The following EVC variants were observed in gnomAD, a reference collection of about 807,000 sequenced individuals.
The protein encoded by EVC is evC complex member EVC.
A neutral mutation model predicts 118.9 loss-of-function variants in EVC; 116 were observed. That is an observed-to-expected ratio of 0.98 (90% CI 0.84 to 1.14). EVC has a LOEUF of 1.14. EVC is among the 50% of genes most tolerant of loss of function. EVC has a pLI of 0.00. For synonymous variants in EVC, 619 were observed against 534.7 expected, an observed-to-expected ratio of 1.16 and a Z score of -2.18; for missense variants, 1,401 against 1,246.4, an observed-to-expected ratio of 1.12 and a Z score of -1.87.
At chr4:5,741,883 CA>C in intron 6 of EVC, 69 bp downstream of exon 6, 5 of 815,168 alleles carry the variant, frequency 6.1e-6, no homozygotes, top group African/African-American at 1.7e-5. Flanking sequence ...ACTTATGATG[CA>C]AAAATTTTTT....
intron 11 of EVC, among the ~76,000 whole-genome samples, chr4:5,774,483 G>T (rs1477187787): frequency 6.6e-6 from 1 of 151,864 alleles, no homozygotes; most frequent in Non-Finnish European, 1.5e-5. Flanking sequence ...CTCAAAGCAG[G>T]TATTATCAGC....
chr4:5,801,715 C>T (rs773020967), intron 15 of EVC: 9 of 516,164 alleles, frequency 1.7e-5, no homozygotes, highest in African/African-American at 9.6e-5. Flanking sequence ...GCCTCTTAGC[C>T]GACTTTCCCT....
rs778287269 is a variant in EVC at position 5,798,640 on chromosome 4, C to T, written c.2152C>T (p.Arg718Trp). The T allele has an allele frequency of 2.6e-5, 42 of 1,591,896 alleles. No homozygotes were observed. The highest frequency in any genetic ancestry group is 4.6e-5 in the South Asian group (4 of 87,670). The change falls in exon 15 of 21, where the codon CGG becomes TGG. Residue 718 changes from arginine to tryptophan, a missense_variant. Physicochemically the swap from Arg to Trp is moderately radical, Grantham distance 101. Transcript: ENST00000264956. This position sits in a 1 kb window ranked among gnomAD's most constrained non-coding sequence, Gnocchi z 4.1. ...SRLEEEAQQT[R>W]LQLQQRLLAE... ...GCTAGAGGAGGAAGCACAGCAGACA[C>T]GGCTGCAGCTCCAGCAGCGGCTCCT...
chr4:5,783,318 A>C (rs1362255315), intron 11 of EVC, among the ~76,000 whole-genome samples: 1 of 148,172 alleles, frequency 6.7e-6, no homozygotes, highest in East Asian at 1.9e-4. Context: ...CTGTGTGTAC[A>C]AGTGTGTGTG....
chr4:5,824,563 C>T, the EVC span: 1 of 978,534 alleles, frequency 1.0e-6, no homozygotes, highest in Non-Finnish European at 1.2e-6. Context: ...AATTAGCAAA[C>T]GGGTCCATTG....
intron 2 of EVC, 41 bp from the exon 3 acceptor site, chr4:5,729,266 T>C: frequency 6.3e-7 from 1 of 1,596,260 alleles, no homozygotes; most frequent in Middle Eastern, 1.7e-4. Flanking sequence ...TCCTTCATTT[T>C]ACAGAAAGTT....
intron 9 of EVC, 128 bp from the exon 10 acceptor site, chr4:5,753,657 A>C (rs944608762): frequency 1.6e-6 from 2 of 1,215,016 alleles, no homozygotes; most frequent in Non-Finnish European, 2.4e-6. Context: ...TGTCACCAGC[A>C]GGGCGGGCAC....
chr4:5,751,520 GC>G (rs1358434287), intron 8 of EVC, among the ~76,000 whole-genome samples: 13 of 152,314 alleles, frequency 8.5e-5, no homozygotes, highest in Admixed American at 8.5e-4. Flanking sequence ...AATGAGCCTC[GC>G]CGTCCTTGTC....
rs775840415 is a variant in EVC at position 5,719,295 on chromosome 4, G to A, written c.222G>A (p.Gln74=). 1.2e-6 allele frequency: 2 copies of A among 1,614,196 alleles called. No individual in the cohort carries two copies. The highest frequency in any genetic ancestry group is 1.7e-6 in the Non-Finnish European group (2 of 1,180,036). ...NLLKNLESNA[Q]TPSETGSPSR... is the part of the protein sequence containing the mutation. ...TCAAGAATTTGGAGTCTAATGCGCA[G>A]ACCCCCTCGGAAACTGGCTCCCCAT... The change falls in exon 2 of 21, where the codon CAG becomes CAA. Residue 74 remains glutamine, a synonymous_variant. Transcript: ENST00000264956. This position sits in a 1 kb window ranked among gnomAD's most constrained non-coding sequence, Gnocchi z 4.7.
chr4:5,731,139 C>T lies in EVC; in HGVS notation c.385-286C>T, dbSNP rs1726742823. Among the ~76,000 whole-genome samples the T allele has an allele frequency of 6.6e-6, 1 of 151,752 alleles. No homozygotes were observed. The highest frequency in any genetic ancestry group is 1.5e-5 in the Non-Finnish European group (1 of 67,968). On this transcript the variant is annotated intron_variant, in intron 3 of 20. Transcript: ENST00000264956. The surrounding 1 kb of genome is among the most constrained non-coding windows in gnomAD (Gnocchi z 5.6). ...AGAGTTGGCAGCTGGGAGGAGGGTG[C>T]GCTGGGTGTCCGGGGCACAGATCCA...
chr4:5,815,435 A>T (rs545509102), downstream of EVC, among the ~76,000 whole-genome samples: 104 of 152,342 alleles, frequency 6.8e-4, no homozygotes, highest in African/African-American at 2.5e-3. Context: ...AGTGAGGTCC[A>T]GGTGCTTCCA....
chr4:5,737,269 A>G lies in EVC; in HGVS notation c.702+3834A>G, dbSNP rs943028458. Among the ~76,000 whole-genome samples, 2 of 152,232 alleles carry G rather than the reference A, an allele frequency of 1.3e-5. No individual in the cohort carries two copies. The highest frequency in any genetic ancestry group is 2.9e-5 in the Non-Finnish European group (2 of 68,048). On this transcript the variant is annotated intron_variant, in intron 5 of 20. Coordinates refer to ENST00000264956, the MANE Select transcript of EVC (RefSeq NM_153717.3). The surrounding 1 kb of genome is among the most constrained non-coding windows in gnomAD (Gnocchi z 5.0). ...AAGAAAAATTTGAAGCTAGCAGAGCATGAGGTTTAAAGAAAGAAGCTGTCT... is the reference window on the plus strand; with the variant it reads ...AAGAAAAATTTGAAGCTAGCAGAGCGTGAGGTTTAAAGAAAGAAGCTGTCT...
At chr4:5,825,620 C>T in the EVC span, 7 of 1,607,476 alleles carry the variant, frequency 4.4e-6, no homozygotes, top group Non-Finnish European at 5.9e-6. This position sits in a 1 kb window ranked among gnomAD's most constrained non-coding sequence, Gnocchi z 4.4. Flanking sequence ...TACACAGGAC[C>T]GTCATACATG....
Position 5,737,098 on chromosome 4 carries a change from C to A in EVC, c.702+3663C>A, listed in dbSNP as rs1727812375. Reference sequence around the variant, plus strand: ...CACGAATGATCAGAAAGCAAAACAACCTTATTGCTGATATGGAGAAAGTCT... The same window carrying A: ...CACGAATGATCAGAAAGCAAAACAAACTTATTGCTGATATGGAGAAAGTCT... On this transcript the variant is annotated intron_variant, in intron 5 of 20. Coordinates refer to ENST00000264956, the MANE Select transcript of EVC (RefSeq NM_153717.3). The surrounding 1 kb of genome is among the most constrained non-coding windows in gnomAD (Gnocchi z 5.0). 6.6e-6 allele frequency among the ~76,000 whole-genome samples: 1 copy of A among 152,164 alleles called. No homozygotes were observed. Among genetic ancestry groups the A allele is most frequent in the African/African-American group, 2.4e-5 (1 of 41,454 alleles).
chr4:5,731,711 G>C lies in EVC; in HGVS notation c.617+54G>C. 1 of 1,502,716 alleles carries C rather than the reference G, an allele frequency of 6.7e-7. No individual in the cohort carries two copies. Among genetic ancestry groups the C allele is most frequent in the Non-Finnish European group, 9.1e-7 (1 of 1,093,412 alleles). The allele number at this position is 1,502,716 out of a possible 1,614,324, so 93.1% of individuals were successfully genotyped here. The stretch of plus-strand genomic sequence containing the variant: ...GCTTCCAGTCCTCTTGGAGTGGGCC[G>C]GGAGTCACATCATTGTCAGAGGAGG... On this transcript the variant is annotated intron_variant, in intron 4 of 20. Transcript: ENST00000264956. This position sits in a 1 kb window ranked among gnomAD's most constrained non-coding sequence, Gnocchi z 5.6.
chr4:5,809,911 G>A (rs1010984634), intron 19 of EVC, among the ~76,000 whole-genome samples: 10 of 152,118 alleles, frequency 6.6e-5, no homozygotes, highest in Middle Eastern at 3.2e-3. Context: ...CCTTGCCAGC[G>A]ACAACTTCAG....
At chr4:5,795,463 G>A (rs1385877851) in intron 13 of EVC, among the ~76,000 whole-genome samples, 2 of 152,152 alleles carry the variant, frequency 1.3e-5, no homozygotes, top group South Asian at 2.1e-4. Context: ...ACCACCCTAG[G>A]CAGCATGGTG....
At chr4:5,717,220 A>G (rs6823754) in intron 1 of EVC, among the ~76,000 whole-genome samples, 126,425 of 152,194 alleles carry the variant, frequency 0.83, 52,834 homozygotes, top group African/African-American at 0.92. Flanking sequence ...TGAGTTTTTC[A>G]TATTTTCAAT....
chr4:5,818,608 A>G (rs1239907206), downstream of EVC, among the ~76,000 whole-genome samples: 1 of 152,132 alleles, frequency 6.6e-6, no homozygotes, highest in African/African-American at 2.4e-5. Context: ...ATGGGTTATC[A>G]TGGGAGCGGG....
Sources: gnomAD v4.1 joint callset for allele counts (sites outside exome capture counted in the v4.1 genomes callset) on GRCh38, gnomAD v4.1.1 for gene constraint, Gnocchi (gnomAD v3.1) non-coding constraint, MANE v1.5 for transcripts, NCBI Gene and HGNC (gene_info 2026-07-23, HGNC 2026-07-21) for gene names.